Variants in CNTN4 observed in about 807,000 individuals in gnomAD.
The protein encoded by CNTN4 is contactin-4.
In CNTN4, 77 loss-of-function variants were observed where a neutral mutation model predicts 122.5. The observed-to-expected ratio is 0.63, with a 90% CI of 0.52 to 0.76. The LOEUF (loss-of-function observed/expected upper bound fraction) is 0.76, where lower values mean the gene tolerates loss of function less well. Among genes scored for constraint, CNTN4 ranks in the 30% least tolerant of loss-of-function variants. The pLI is 0.00. For missense variants in CNTN4, 1,256 were observed against 1,259.1 expected (o/e 1.00, Z 0.04); for synonymous variants, 512 against 447.0 (o/e 1.15, Z -1.83).
chr3:2,255,552 C>G (rs1026871554), intron 2 of CNTN4, among the ~76,000 whole-genome samples: 1 of 152,126 alleles, frequency 6.6e-6, no homozygotes, highest in Admixed American at 6.6e-5. Flanking sequence ...AAACTCTACT[C>G]AGCAAATGCA....
intron 4 of CNTN4, among the ~76,000 whole-genome samples, chr3:2,671,871 CCT>C (rs2150382376): frequency 6.6e-6 from 1 of 152,274 alleles, no homozygotes; most frequent in Admixed American, 6.5e-5. Context: ...CACTCCAGAC[CCT>C]GTTTGCCTGG....
chr3:2,387,345 C>A (rs1360341982), intron 3 of CNTN4, among the ~76,000 whole-genome samples: 3 of 151,910 alleles, frequency 2.0e-5, no homozygotes, highest in African/African-American at 7.2e-5. Flanking sequence ...TTTTATTATT[C>A]TTAAGGCAAA....
At chr3:2,682,883 A>C (rs537764631) in intron 4 of CNTN4, among the ~76,000 whole-genome samples, 2 of 151,990 alleles carry the variant, frequency 1.3e-5, no homozygotes, top group Admixed American at 6.6e-5. Flanking sequence ...AGCAACAACA[A>C]ATTTTGCCCT....
Position 2,988,273 on chromosome 3 carries a change from T to A in CNTN4, c.1359-72T>A. The A allele has an allele frequency of 2.1e-6, 3 of 1,397,586 alleles. 1 individual carries two copies. In the South Asian group the frequency reaches 3.5e-5, roughly 16 times the overall value. The allele number at this position is 1,397,586 out of a possible 1,614,324, so 86.6% of individuals were successfully genotyped here. A position where few individuals can be genotyped will look rare whatever the true frequency, so the allele number is the denominator to read the frequency against. On this transcript the variant is annotated intron_variant, in intron 13 of 24. Coordinates refer to ENST00000418658, the MANE Select transcript of CNTN4 (RefSeq NM_175607.3). Reference sequence around the variant, plus strand: ...ATTTATGGTTTGAACAATGACAGAATGACAGAACTAATTTGCAATAGGTCA... The same window carrying A: ...ATTTATGGTTTGAACAATGACAGAAAGACAGAACTAATTTGCAATAGGTCA...
At chr3:3,053,671 C>T (rs1258042729) in intron 23 of CNTN4, 136 bp from the exon 24 acceptor site, 1 of 818,246 alleles carries the variant, frequency 1.2e-6, no homozygotes, top group Non-Finnish European at 2.1e-6. Context: ...ATGAGCCTTC[C>T]AAATGCAAGT....
chr3:2,995,886 T>C (rs1695487375), intron 14 of CNTN4, among the ~76,000 whole-genome samples: 1 of 152,186 alleles, frequency 6.6e-6, no homozygotes, highest in African/African-American at 2.4e-5. Flanking sequence ...GCATTTAACC[T>C]AGTGGGATTC....
At chr3:2,452,038 C>G (rs769709090) in intron 3 of CNTN4, among the ~76,000 whole-genome samples, 1 of 152,084 alleles carries the variant, frequency 6.6e-6, no homozygotes, top group African/African-American at 2.4e-5. Context: ...TTTAGAGTAG[C>G]CTGCAAATCA....
chr3:2,368,678 A>AG (rs2045511834), intron 3 of CNTN4, among the ~76,000 whole-genome samples: 1 of 152,034 alleles, frequency 6.6e-6, no homozygotes, highest in Non-Finnish European at 1.5e-5. Context: ...ATAAAAAAAA[A>AG]CTGAACAGAA....
At chr3:2,213,109 C>T (rs1016055309) in intron 2 of CNTN4, among the ~76,000 whole-genome samples, 1 of 152,138 alleles carries the variant, frequency 6.6e-6, no homozygotes, top group African/African-American at 2.4e-5. Context: ...ATCTGGTTCA[C>T]TGAATGAAAT....
At chr3:2,173,013 G>T (rs939255119) in intron 2 of CNTN4, among the ~76,000 whole-genome samples, 1 of 152,178 alleles carries the variant, frequency 6.6e-6, no homozygotes, top group African/African-American at 2.4e-5. Context: ...CTGCAACGTG[G>T]TAGATTGTGC....
At chr3:2,299,392 A>G (rs2042423233) in intron 2 of CNTN4, among the ~76,000 whole-genome samples, 1 of 152,034 alleles carries the variant, frequency 6.6e-6, no homozygotes, top group South Asian at 2.1e-4. Flanking sequence ...ATAGTTGTGA[A>G]TTTTGAGATT....
chr3:2,755,476 C>G (rs924556138), intron 6 of CNTN4, among the ~76,000 whole-genome samples: 8 of 152,066 alleles, frequency 5.3e-5, no homozygotes, highest in African/African-American at 1.9e-4. Flanking sequence ...AGAAGTCAAA[C>G]CCAAACTTGC....
At chr3:2,245,421 T>C (rs2040107000) in intron 2 of CNTN4, among the ~76,000 whole-genome samples, 1 of 152,060 alleles carries the variant, frequency 6.6e-6, no homozygotes, top group Non-Finnish European at 1.5e-5. Context: ...AATATCACAA[T>C]TCATAGATTC....
chr3:2,294,956 C>T (rs1575295074), intron 2 of CNTN4, among the ~76,000 whole-genome samples: 1 of 151,994 alleles, frequency 6.6e-6, no homozygotes, highest in African/African-American at 2.4e-5. Flanking sequence ...TGATAGTTTG[C>T]TGAGAATGAT....
At chr3:2,527,573 A>C (rs1180905986) in intron 3 of CNTN4, among the ~76,000 whole-genome samples, 3 of 152,152 alleles carry the variant, frequency 2.0e-5, no homozygotes, top group Non-Finnish European at 4.4e-5. Flanking sequence ...CTATCTTTGC[A>C]TGCGGTGTAA....
At chr3:3,006,944 G>A (rs550314040) in intron 14 of CNTN4, among the ~76,000 whole-genome samples, 28 of 152,140 alleles carry the variant, frequency 1.8e-4, no homozygotes, top group African/African-American at 4.8e-4. Context: ...CTACCTCCCC[G>A]CGCCATCAAC....
At position 2,859,093 on chromosome 3, in the gene CNTN4, A is replaced by G. The variant is rs959166195; in HGVS notation, c.455-7659A>G. 5.9e-5 allele frequency among the ~76,000 whole-genome samples: 9 copies of G among 152,190 alleles called. No individual in the cohort carries two copies. The South Asian group carries it at 1.0e-3, about 18-fold the overall frequency. On this transcript the variant is annotated intron_variant, in intron 7 of 24. Coordinates refer to ENST00000418658, the MANE Select transcript of CNTN4 (RefSeq NM_175607.3). ...CCCCAGCTAGCTTCTGGTAATCACAATTCTACTCTCTGTTTCTATGTGTTC... is the reference window on the plus strand; with the variant it reads ...CCCCAGCTAGCTTCTGGTAATCACAGTTCTACTCTCTGTTTCTATGTGTTC...
At chr3:2,726,755 T>A (rs1039935013) in intron 4 of CNTN4, among the ~76,000 whole-genome samples, 3 of 152,206 alleles carry the variant, frequency 2.0e-5, no homozygotes, top group Non-Finnish European at 2.9e-5. Flanking sequence ...TAATGGTGGA[T>A]CCATGTCCTA....
At chr3:2,184,094 C>G (rs145420298) in intron 2 of CNTN4, among the ~76,000 whole-genome samples, 1 of 152,208 alleles carries the variant, frequency 6.6e-6, no homozygotes, top group South Asian at 2.1e-4. Flanking sequence ...GCCTCAGCTT[C>G]CTGAGTAGCT....
Sources: gnomAD v4.1 joint callset for allele counts (sites outside exome capture counted in the v4.1 genomes callset) on GRCh38, gnomAD v4.1.1 for gene constraint, MANE v1.5 for transcripts, NCBI Gene and HGNC (gene_info 2026-07-23, HGNC 2026-07-21) for gene names.